Variants in MEI1 observed in about 807,000 individuals in gnomAD.
The protein encoded by MEI1 is meiotic double-stranded break formation protein 1.
In MEI1, 103 loss-of-function variants were observed where a neutral mutation model predicts 146.2. The ratio of observed to expected loss-of-function variants is 0.70; its 90% CI spans 0.60 to 0.83. MEI1 has a LOEUF of 0.83. Ranked by LOEUF, MEI1 falls within the 40% of genes least tolerant of loss-of-function variation. The pLI, the probability that MEI1 is intolerant of heterozygous loss-of-function variation, is 0.00. For missense variants in MEI1, 1,529 were observed against 1,533.0 expected (o/e 1.00, Z 0.04); for synonymous variants, 652 against 628.2 (o/e 1.04, Z -0.57).
intron 9 of MEI1, 118 bp from the exon 10 acceptor site, chr22:41,732,127 C>A: frequency 1.4e-6 from 1 of 735,110 alleles, no homozygotes; most frequent in Non-Finnish European, 2.3e-6. Flanking sequence ...GTCAGGGTCC[C>A]TCCACGAGTG....
At chr22:41,705,681 A>T (rs1032742928) in intron 3 of MEI1, 127 bp downstream of exon 3, 2 of 746,488 alleles carry the variant, frequency 2.7e-6, no homozygotes, top group African/African-American at 3.6e-5. Flanking sequence ...ATTAGTTTTC[A>T]ATCACTAATT....
intron 6 of MEI1, among the ~76,000 whole-genome samples, chr22:41,719,829 GA>G (rs2147394266): frequency 6.6e-6 from 1 of 152,296 alleles, no homozygotes; most frequent in East Asian, 1.9e-4. Flanking sequence ...ATTTTGGGCA[GA>G]ACAGATGGGC....
At chr22:41,723,699 C>T (rs2147462805) in intron 6 of MEI1, among the ~76,000 whole-genome samples, 1 of 152,218 alleles carries the variant, frequency 6.6e-6, no homozygotes, top group Admixed American at 6.5e-5. Flanking sequence ...GGCAGTCGGG[C>T]TATGTTTATC....
In MEI1 at chr22:41,699,636, C is replaced by A. The variant is rs865901540; in HGVS notation, c.98C>A (p.Pro33Gln). The change falls in exon 1 of 31, where the codon CCG becomes CAG. Residue 33 changes from proline to glutamine, a missense_variant. By Grantham distance (76) the Pro-to-Gln change is moderately conservative (BLOSUM62 -1). Transcript: ENST00000401548. The part of the protein sequence containing the change: ...LFERAHYRHD[P>Q]RWLLPVTPRL... ...GAGAGGGCCCATTACCGGCACGACC[C>A]GCGCTGGCTGCTGCCCGTGACCCCC... The A allele has an allele frequency of 6.2e-7, 1 of 1,605,840 alleles. No homozygotes were observed. The highest frequency in any genetic ancestry group is 2.2e-5 in the East Asian group (1 of 44,564).
At chr22:41,763,403 T>G in intron 19 of MEI1, 82 bp downstream of exon 19, 2 of 1,494,008 alleles carry the variant, frequency 1.3e-6, no homozygotes, top group Non-Finnish European at 1.8e-6. Context: ...ATGATGATAG[T>G]GTATAGACAA....
At chr22:41,727,570 G>A (rs998893984) in intron 7 of MEI1, among the ~76,000 whole-genome samples, 5 of 150,168 alleles carry the variant, frequency 3.3e-5, no homozygotes, top group Non-Finnish European at 7.4e-5. Flanking sequence ...CTTATCAGCT[G>A]TGTAGCCTAG....
chr22:41,795,854 T>A lies in MEI1; in HGVS notation c.3779+7T>A. The A allele has an allele frequency of 3.1e-6, 5 of 1,613,136 alleles. No individual in the cohort carries two copies. The highest frequency in any genetic ancestry group is 4.2e-6 in the Non-Finnish European group (5 of 1,179,490). The stretch of plus-strand genomic sequence containing the variant: ...CACCCCTGCAGGACATGCTGTATCC[T>A]TTCTTGCATCTATGATGAAGGAGAT... On this transcript the variant is annotated splice_region_variant and intron_variant, in intron 30 of 30. Coordinates refer to ENST00000401548, the MANE Select transcript of MEI1 (RefSeq NM_152513.4). This position sits in a 1 kb window ranked among gnomAD's most constrained non-coding sequence, Gnocchi z 4.2.
At chr22:41,735,227 GTTT>G (rs1279915415) in intron 11 of MEI1, among the ~76,000 whole-genome samples, 1 of 85,500 alleles carries the variant, frequency 1.2e-5, no homozygotes, top group Non-Finnish European at 2.2e-5. Context: ...CTCCCAAAGT[GTTT>G]TTTTTTTTTT....
rs547837713 is a variant in MEI1, at chr22:41,732,608, G to C, written c.1331+5G>C. On this transcript the variant is annotated splice_donor_5th_base_variant and intron_variant, in intron 11 of 30. Transcript: ENST00000401548. ...GGCCACTTCTGCTTTTCTGAGGTGAGAGACCCAGGCAGGCTGAACTTTCCA... is the reference window on the plus strand; with the variant it reads ...GGCCACTTCTGCTTTTCTGAGGTGACAGACCCAGGCAGGCTGAACTTTCCA... 43 of 1,611,894 alleles carry C rather than the reference G, an allele frequency of 2.7e-5. No homozygotes were observed. Among genetic ancestry groups the C allele is most frequent in the Non-Finnish European group, 3.5e-5 (41 of 1,179,250 alleles).
At chr22:41,781,082 G>A (rs1467588703) in intron 22 of MEI1, among the ~76,000 whole-genome samples, 1 of 152,224 alleles carries the variant, frequency 6.6e-6, no homozygotes, top group Non-Finnish European at 1.5e-5. Context: ...TAGGCTGCTT[G>A]CCTGATGTTT....
chr22:41,773,000 G>C (rs1387516195), intron 20 of MEI1, among the ~76,000 whole-genome samples: 2 of 152,190 alleles, frequency 1.3e-5, no homozygotes, highest in Non-Finnish European at 2.9e-5. Flanking sequence ...TGAAGGCTGT[G>C]CTAGGCCACT....
chr22:41,736,387 C>G (rs577266238), intron 11 of MEI1, among the ~76,000 whole-genome samples: 75 of 151,674 alleles, frequency 4.9e-4, no homozygotes, highest in African/African-American at 1.5e-3. Flanking sequence ...GTGGCTGGGA[C>G]TACAGGTGCC....
chr22:41,775,346 A>C (rs1298944150), intron 20 of MEI1, among the ~76,000 whole-genome samples: 1 of 151,756 alleles, frequency 6.6e-6, no homozygotes, highest in East Asian at 1.9e-4. Flanking sequence ...CAGTGACATC[A>C]TTTCTCTTTC....
chr22:41,735,426 G>A (rs58295954), intron 11 of MEI1, among the ~76,000 whole-genome samples: 2,599 of 152,104 alleles, frequency 0.017, 72 homozygotes, highest in African/African-American at 0.059. Flanking sequence ...TAGAGACGGG[G>A]TTTCTCCATG....
intron 7 of MEI1, among the ~76,000 whole-genome samples, chr22:41,724,586 C>A (rs2071148940): frequency 6.7e-6 from 1 of 148,488 alleles, no homozygotes; most frequent in Admixed American, 6.8e-5. Context: ...CCACTGCACT[C>A]CAGCCTGGTG....
At chr22:41,790,636 A>G (rs1235383219) in intron 26 of MEI1, among the ~76,000 whole-genome samples, 2 of 151,490 alleles carry the variant, frequency 1.3e-5, no homozygotes, top group African/African-American at 2.4e-5. Flanking sequence ...TCTGTCACCC[A>G]GGCTGGAGTG....
At chr22:41,756,310 T>C (rs2074090262) in intron 17 of MEI1, among the ~76,000 whole-genome samples, 1 of 152,108 alleles carries the variant, frequency 6.6e-6, no homozygotes, top group Non-Finnish European at 1.5e-5. Context: ...GATTTTTTTG[T>C]ATTTTTAGTA....
chr22:41,732,660 G>A, intron 11 of MEI1, 57 bp downstream of exon 11: 1 of 1,562,634 alleles, frequency 6.4e-7, no homozygotes, highest in Non-Finnish European at 8.7e-7. Context: ...AGGGCCTGTT[G>A]AGGCCAGGGT....
At chr22:41,715,520 C>T (rs1014452020) in intron 4 of MEI1, among the ~76,000 whole-genome samples, 2 of 151,824 alleles carry the variant, frequency 1.3e-5, no homozygotes, top group Non-Finnish European at 1.5e-5. Context: ...CTCAGCCTCC[C>T]GAGTAGCTGG....
Sources: gnomAD v4.1 joint callset for allele counts (sites outside exome capture counted in the v4.1 genomes callset) on GRCh38, gnomAD v4.1.1 for gene constraint, Gnocchi (gnomAD v3.1) non-coding constraint, MANE v1.5 for transcripts, NCBI Gene and HGNC (gene_info 2026-07-23, HGNC 2026-07-21) for gene names.